Variants in DGKI observed in about 807,000 individuals in gnomAD.
The protein encoded by DGKI is diacylglycerol kinase iota.
A neutral mutation model predicts 147.5 loss-of-function variants in DGKI; 55 were observed. The ratio of observed to expected loss-of-function variants is 0.37; its 90% CI spans 0.30 to 0.47. DGKI has a LOEUF of 0.47. Ranked by LOEUF, DGKI falls within the 20% of genes least tolerant of loss-of-function variation. The pLI is 1.00. For missense variants in DGKI, 1,007 were observed against 1,323.8 expected (o/e 0.76, Z 3.71); for synonymous variants, 469 against 477.1 (o/e 0.98, Z 0.22).
intron 14 of DGKI, 81 bp from the exon 15 acceptor site, chr7:137,582,009 T>C: frequency 1.7e-6 from 2 of 1,155,040 alleles, no homozygotes; most frequent in Non-Finnish European, 2.6e-6. Context: ...GCTGGACCCC[T>C]ATCTCTGAAG....
rs906430669 is a variant in DGKI, at chr7:137,762,205, A to G, written c.402-72203T>C. Among the ~76,000 whole-genome samples, 6 of 152,190 alleles carry G rather than the reference A, an allele frequency of 3.9e-5. No homozygotes were observed. The East Asian group carries it at 9.6e-4, about 24-fold the overall frequency. On this transcript the variant is annotated intron_variant, in intron 1 of 32. Coordinates refer to ENST00000614521, the MANE Select transcript of DGKI (RefSeq NM_001321708.2). ...ATCTCCAATAGTTCCCCATGTCTAT[A>G]ACAGTATATCCCAAACTTAACTAGC... is the stretch of plus-strand genomic sequence containing the variant.
rs1811114748 is a variant in DGKI, at chr7:137,383,836, T to C, written c.*7384A>G. On this transcript the variant is annotated 3_prime_UTR_variant, in exon 33 of 33. Transcript: ENST00000614521. ...AACCTAACTCCTCTACATATTCTTA[T>C]TCCTAATCCAATTTTGTCTTCTTTC... 1 of 152,096 alleles carries C rather than the reference T, an allele frequency of 6.6e-6. No individual in the cohort carries two copies. The highest frequency in any genetic ancestry group is 2.4e-5 in the African/African-American group (1 of 41,446). 9.4% of individuals were successfully genotyped at this position (152,096 alleles called of 1,614,324 possible). A position where few individuals can be genotyped will look rare whatever the true frequency, so the allele number is the denominator to read the frequency against.
chr7:137,430,628 T>A (rs1466170736), intron 28 of DGKI, among the ~76,000 whole-genome samples: 1 of 151,904 alleles, frequency 6.6e-6, no homozygotes, highest in Non-Finnish European at 1.5e-5. Context: ...TACTTATACA[T>A]CCAAATGTAG....
intron 30 of DGKI, among the ~76,000 whole-genome samples, 174 bp from the exon 31 acceptor site, chr7:137,397,587 A>T (rs1312768705): frequency 6.6e-6 from 1 of 152,224 alleles, no homozygotes; most frequent in African/African-American, 2.4e-5. Context: ...CCAAACTCCC[A>T]ATCTCCATGA....
chr7:137,571,128 T>C, intron 19 of DGKI, 47 bp downstream of exon 19: 1 of 1,394,830 alleles, frequency 7.2e-7, no homozygotes, highest in Non-Finnish European at 9.8e-7. Flanking sequence ...GAATAAACTC[T>C]GTGACTAAAA....
chr7:137,590,390 C>T (rs532056594), intron 12 of DGKI, among the ~76,000 whole-genome samples: 1 of 152,346 alleles, frequency 6.6e-6, no homozygotes, highest in South Asian at 2.1e-4. Context: ...CCCCTGCCAT[C>T]TCCCCAGGGT....
At chr7:137,417,363 T>C (rs1490848858) in intron 28 of DGKI, among the ~76,000 whole-genome samples, 1 of 152,240 alleles carries the variant, frequency 6.6e-6, no homozygotes, top group East Asian at 1.9e-4. Flanking sequence ...GGTTAGAAGT[T>C]GAATCATTAC....
chr7:137,660,425 T>C (rs1053085263), intron 3 of DGKI, among the ~76,000 whole-genome samples: 1 of 152,220 alleles, frequency 6.6e-6, no homozygotes, highest in Non-Finnish European at 1.5e-5. Context: ...AAACACATCC[T>C]ACATATTTCC....
intron 1 of DGKI, among the ~76,000 whole-genome samples, chr7:137,828,846 T>C (rs1290843127): frequency 6.6e-6 from 1 of 152,164 alleles, no homozygotes; most frequent in African/African-American, 2.4e-5. Context: ...ACAATAAATA[T>C]TTATTTAACA....
intron 21 of DGKI, among the ~76,000 whole-genome samples, chr7:137,507,388 C>G (rs996337029): frequency 6.6e-6 from 1 of 152,146 alleles, no homozygotes; most frequent in Non-Finnish European, 1.5e-5. Context: ...CAGAAACTAA[C>G]AGGTTCTCTA....
At chr7:137,438,386 A>G (rs990780139) in intron 28 of DGKI, among the ~76,000 whole-genome samples, 3 of 152,176 alleles carry the variant, frequency 2.0e-5, no homozygotes, top group Non-Finnish European at 4.4e-5. Flanking sequence ...ATGCCATTTC[A>G]TACTTTCACA....
At chr7:137,835,961 A>C (rs1369437032) in intron 1 of DGKI, among the ~76,000 whole-genome samples, 1 of 152,210 alleles carries the variant, frequency 6.6e-6, no homozygotes, top group African/African-American at 2.4e-5. Context: ...TTAAATGTAC[A>C]ATGGCTATGA....
chr7:137,643,976 C>T (rs1382266930), intron 6 of DGKI, among the ~76,000 whole-genome samples: 1 of 152,106 alleles, frequency 6.6e-6, no homozygotes, highest in African/African-American at 2.4e-5. Flanking sequence ...AATGGCTATG[C>T]CTGCCCGGCT....
At chr7:137,793,257 C>G (rs1796917564) in intron 1 of DGKI, among the ~76,000 whole-genome samples, 1 of 152,018 alleles carries the variant, frequency 6.6e-6, no homozygotes, top group Non-Finnish European at 1.5e-5. Flanking sequence ...GTCTACCTGA[C>G]CCATTCTCTT....
rs370880800 is a variant in DGKI, at chr7:137,783,527, G to T, written c.401+62935C>A. ...TAATTGGTGTTCCTGAAGAAGAAGA[G>T]AAATCTAAAAGTTTGGAAAACATAT... On this transcript the variant is annotated intron_variant, in intron 1 of 32. Transcript: ENST00000614521. Among the ~76,000 whole-genome samples, 21 of 152,356 alleles carry T rather than the reference G, an allele frequency of 1.4e-4. No individual in the cohort carries two copies. In the East Asian group the frequency reaches 2.7e-3, roughly 20 times the overall value.
At chr7:137,416,856 C>T (rs1369044134) in intron 28 of DGKI, among the ~76,000 whole-genome samples, 1 of 152,106 alleles carries the variant, frequency 6.6e-6, no homozygotes, top group Non-Finnish European at 1.5e-5. Context: ...GAATCATAAC[C>T]ACGAGTAGTT....
intron 20 of DGKI, among the ~76,000 whole-genome samples, chr7:137,531,308 C>T (rs1393180313): frequency 5.3e-5 from 8 of 152,146 alleles, no homozygotes; most frequent in Admixed American, 2.0e-4. Context: ...AAATCATTTC[C>T]ACTTTAAGAA....
chr7:137,761,222 C>T (rs1376499183), intron 1 of DGKI, among the ~76,000 whole-genome samples: 1 of 152,186 alleles, frequency 6.6e-6, no homozygotes. Flanking sequence ...TTAAATTCTG[C>T]AAGCCCTTTG....
chr7:137,557,422 C>A (rs113993325), intron 19 of DGKI, among the ~76,000 whole-genome samples: 1 of 151,942 alleles, frequency 6.6e-6, no homozygotes, highest in East Asian at 1.9e-4. Context: ...CTCAAAGATA[C>A]GAGTACATGA....
Sources: allele counts gnomAD v4.1 joint callset (sites outside exome capture counted in the v4.1 genomes callset), GRCh38; gene constraint gnomAD v4.1.1; transcripts MANE v1.5; gene names NCBI Gene and HGNC (gene_info 2026-07-23, HGNC 2026-07-21).